The following COL7A1 variants were observed in gnomAD, a reference collection of about 807,000 sequenced individuals.
The protein encoded by COL7A1 is collagen type VII alpha 1 chain, also known as collagen alpha-1(VII) chain.
In COL7A1, 296 loss-of-function variants were observed where a neutral mutation model predicts 456.2. The observed-to-expected ratio is 0.65, with a 90% CI of 0.59 to 0.71. The LOEUF is 0.71. COL7A1 is among the 30% of genes least tolerant of loss of function. The pLI, the probability that COL7A1 is intolerant of heterozygous loss-of-function variation, is 0.00. For missense variants in COL7A1, 3,441 were observed against 4,017.2 expected, an observed-to-expected ratio of 0.86 and a Z score of 3.88; for synonymous variants, 1,464 against 1,525.9, an observed-to-expected ratio of 0.96 and a Z score of 0.95.
At position 48,586,516 on chromosome 3, in the gene COL7A1, G is replaced by C; in HGVS notation, c.3404-38C>G. The C allele has an allele frequency of 1.2e-6, 2 of 1,613,798 alleles. No homozygotes were observed. The highest frequency in any genetic ancestry group is 1.7e-6 in the Non-Finnish European group (2 of 1,180,040). On this transcript the variant is annotated intron_variant, in intron 26 of 118. Coordinates refer to ENST00000681320, the MANE Select transcript of COL7A1 (RefSeq NM_000094.4). This position sits in a 1 kb window ranked among gnomAD's most constrained non-coding sequence, Gnocchi z 5.1. ...ACATGTCAGAACCCTGGGGCACCAA[G>C]CTCCCAGTGGATAGCCCCAGGAGTC...
At position 48,593,148 on chromosome 3, in the gene COL7A1, G is replaced by A. The variant is rs915394336; in HGVS notation, c.636C>T (p.Ser212=). Residue 212 remains serine (S), a synonymous_variant, in exon 6 of 119, where the codon TCC becomes TCT. Coordinates refer to ENST00000681320, the MANE Select transcript of COL7A1 (RefSeq NM_000094.4). This position sits in a 1 kb window ranked among gnomAD's most constrained non-coding sequence, Gnocchi z 4.4. ...CACCAGCAGTCGTGCACACTCTCCG[G>A]GAAACGAGGGGCAGTAGTGTCCTCA... ...SILRTLLPLV[S]RRVCTTAGGV... 3 of 1,614,022 alleles carry A rather than the reference G, an allele frequency of 1.9e-6. No individual in the cohort carries two copies. The highest frequency in any genetic ancestry group is 1.7e-5 in the Admixed American group (1 of 60,004).
chr3:48,576,405 C>A lies in COL7A1; in HGVS notation c.5767G>T (p.Glu1923Ter). 1 of 1,613,788 alleles carries A rather than the reference C, an allele frequency of 6.2e-7. No homozygotes were observed. The highest frequency in any genetic ancestry group is 1.1e-5 in the South Asian group (1 of 91,078). Residue 1923 changes from glutamate (E) to a stop codon, truncating the protein, a stop_gained, in exon 70 of 119, where the codon GAG (glutamate) becomes TAG (stop). Coordinates refer to ENST00000681320, the MANE Select transcript of COL7A1 (RefSeq NM_000094.4). LOFTEE classifies it high-confidence loss of function. Reference protein sequence around the residue: ...GDRGETGSKGEQGLPGERGLR... With the variant: ...GDRGETGSKG Reference sequence around the variant, plus strand: ...GGAAAAGGTGGGGGCCTCACCTGCTCCCCTTTGGATCCAGTCTCCCCACGG... The same window carrying A: ...GGAAAAGGTGGGGGCCTCACCTGCTACCCTTTGGATCCAGTCTCCCCACGG...
At position 48,586,405 on chromosome 3, in the gene COL7A1, C is replaced by T. The variant is rs757858567; in HGVS notation, c.3477G>A (p.Gly1159=). ...DAPGRRQHVP[G]VMVLLVDEPL... is the part of the protein sequence containing the mutation. ...GTTCATCCACTAGCAGAACCATCAC[C>T]CCTGGTACGTGCTGGCGGCGCCCAG... The change falls in exon 27 of 119, where the codon GGG becomes GGA. Residue 1159 remains glycine, a synonymous_variant. Coordinates refer to ENST00000681320, the MANE Select transcript of COL7A1 (RefSeq NM_000094.4). The surrounding 1 kb of genome is among the most constrained non-coding windows in gnomAD (Gnocchi z 5.1). The T allele has an allele frequency of 6.2e-7, 1 of 1,613,934 alleles. No homozygotes were observed. Among genetic ancestry groups the T allele is most frequent in the Non-Finnish European group, 8.5e-7 (1 of 1,180,026 alleles).
At position 48,593,628 on chromosome 3, in the gene COL7A1, T is replaced by C; in HGVS notation, c.335A>G (p.Tyr112Cys). 1.2e-6 allele frequency: 2 copies of C among 1,614,184 alleles called. No individual in the cohort carries two copies. The highest frequency in any genetic ancestry group is 4.5e-5 in the East Asian group (2 of 44,882). The change falls in exon 4 of 119, where the codon TAC becomes TGC. Residue 112 changes from tyrosine to cysteine, a missense_variant. By Grantham distance (194) the Tyr-to-Cys change is radical. Around this residue, in one of 3 missense-constraint regions of COL7A1, gnomAD observed 913 missense variants for 1,088.2 expected, o/e 0.84. Coordinates refer to ENST00000681320, the MANE Select transcript of COL7A1 (RefSeq NM_000094.4). The surrounding 1 kb of genome is among the most constrained non-coding windows in gnomAD (Gnocchi z 4.4). ...DVIRAIRELS[Y>C]KGGNTRTGAA... ...CCCTGTGCGAGTGTTGCCCCCCTTG[T>C]AGCTAAGCTCACGGATGGCGCGGAT...
chr3:48,574,847 C>A lies in COL7A1; in HGVS notation c.6298G>T (p.Gly2100Cys). The A allele has an allele frequency of 2.5e-6, 4 of 1,613,890 alleles. No individual in the cohort carries two copies. The highest frequency in any genetic ancestry group is 3.4e-6 in the Non-Finnish European group (4 of 1,179,998). The change falls in exon 77 of 119, where the codon GGT (glycine) becomes TGT (cysteine). Residue 2100 changes from glycine (G) to cysteine (C), a missense_variant. Transcript: ENST00000681320. The surrounding 1 kb of genome is among the most constrained non-coding windows in gnomAD (Gnocchi z 5.0). The stretch of plus-strand genomic sequence containing the variant: ...CCCTGTTCTCCAGAGAGTCCAGGAC[C>A]TGGCTCATCCACAGACACCTACAAA... ...PGPKVSVDEP[G>C]PGLSGEQGPP...
At position 48,585,521 on chromosome 3, in the gene COL7A1, G is replaced by A. The variant is rs1180420991; in HGVS notation, c.3894+36C>T. ...AAAAACCCCGAGACAGCTTTGAGGA[G>A]TGCCTCAGAGAAACCTCGATGGTCT... On this transcript the variant is annotated intron_variant, in intron 32 of 118. Coordinates refer to ENST00000681320, the MANE Select transcript of COL7A1 (RefSeq NM_000094.4). This position sits in a 1 kb window ranked among gnomAD's most constrained non-coding sequence, Gnocchi z 4.5. The A allele has an allele frequency of 1.2e-6, 2 of 1,602,520 alleles. No individual in the cohort carries two copies. The highest frequency in any genetic ancestry group is 1.7e-6 in the Non-Finnish European group (2 of 1,170,260).
In COL7A1 at chr3:48,564,448, C is replaced by A; in HGVS notation, c.8819-26G>T. 1 of 1,613,700 alleles carries A rather than the reference C, an allele frequency of 6.2e-7. No individual in the cohort carries two copies. The highest frequency in any genetic ancestry group is 1.1e-5 in the South Asian group (1 of 90,974). ...CTGGTGAGGACAGGTTGGAAACGGTCGTCAGCCATCTGACCTTCCCCGGAG... is the reference window on the plus strand; with the variant it reads ...CTGGTGAGGACAGGTTGGAAACGGTAGTCAGCCATCTGACCTTCCCCGGAG... On this transcript the variant is annotated intron_variant, in intron 118 of 118. Transcript: ENST00000681320. This position sits in a 1 kb window ranked among gnomAD's most constrained non-coding sequence, Gnocchi z 6.0.
chr3:48,581,728 G>C lies in COL7A1; in HGVS notation c.4700C>G (p.Ala1567Gly). 1 of 1,614,072 alleles carries C rather than the reference G, an allele frequency of 6.2e-7. No individual in the cohort carries two copies. The highest frequency in any genetic ancestry group is 1.1e-5 in the South Asian group (1 of 91,086). Residue 1567 changes from alanine (A) to glycine (G), a missense_variant, in exon 49 of 119, where the codon GCT becomes GGT. Physicochemically the swap from Ala to Gly is moderately conservative, Grantham distance 60 (BLOSUM62 0). Transcript: ENST00000681320. This position sits in a 1 kb window ranked among gnomAD's most constrained non-coding sequence, Gnocchi z 5.8. Reference sequence around the variant, plus strand: ...TACCCGTTCCCCTTGGACTCCGGTAGCTCCTCTGGGCCCAGCGGGCCCCAC... The same window carrying C: ...TACCCGTTCCCCTTGGACTCCGGTACCTCCTCTGGGCCCAGCGGGCCCCAC... ...GDVGPAGPRGATGVQGERGPP... is the reference protein window; with the variant it reads ...GDVGPAGPRGGTGVQGERGPP...
Position 48,568,921 on chromosome 3 carries a change from G to GAGCCCGCC in COL7A1, c.7687-74_7687-67dup. 2 of 1,467,212 alleles carry GAGCCCGCC rather than the reference G, an allele frequency of 1.4e-6. No individual in the cohort carries two copies. Among genetic ancestry groups the GAGCCCGCC allele is most frequent in the East Asian group, 4.9e-5 (2 of 40,588 alleles). 90.9% of individuals were successfully genotyped at this position (1,467,212 alleles called of 1,614,324 possible). A position where few individuals can be genotyped will look rare whatever the true frequency, so the allele number is the denominator to read the frequency against. Reference sequence around the variant, plus strand: ...TCAGGCTGGGGGCTTAGAATACAACGAGCCCGCCAGCTGGGGCAGAGCTCA... The same window carrying GAGCCCGCC: ...TCAGGCTGGGGGCTTAGAATACAACGAGCCCGCCAGCCCGCCAGCTGGGGCAGAGCTCA... On this transcript the variant is annotated intron_variant, in intron 103 of 118. Transcript: ENST00000681320. This position sits in a 1 kb window ranked among gnomAD's most constrained non-coding sequence, Gnocchi z 5.2.
In COL7A1 at chr3:48,587,223, G is replaced by A. The variant is rs200199871; in HGVS notation, c.3106C>T (p.Arg1036Trp). 29 of 1,613,400 alleles carry A rather than the reference G, an allele frequency of 1.8e-5. No homozygotes were observed. The highest frequency in any genetic ancestry group is 1.3e-4 in the East Asian group (6 of 44,858). The change falls in exon 24 of 119, where the codon CGG (arginine) becomes TGG (tryptophan). Residue 1036 changes from arginine (R) to tryptophan (W), a missense_variant. By Grantham distance (101) the Arg-to-Trp change is moderately radical. Around this residue, in one of 3 missense-constraint regions of COL7A1, gnomAD observed 444 missense variants for 427.6 expected, o/e 1.04. Transcript: ENST00000681320. This position sits in a 1 kb window ranked among gnomAD's most constrained non-coding sequence, Gnocchi z 6.1. ...FSLTPVLDGV[R>W]GPEASVTQTP... ...TGTGTGACAGATGCCTCAGGACCCCGCACACCATCCAGGACAGGCGTCAGG... is the reference window on the plus strand; with the variant it reads ...TGTGTGACAGATGCCTCAGGACCCCACACACCATCCAGGACAGGCGTCAGG...
rs1160109522 is a variant in COL7A1, at chr3:48,572,926, G to A, written c.6767C>T (p.Pro2256Leu). The change falls in exon 87 of 119, where the codon CCG (proline) becomes CTG (leucine). Residue 2256 changes from proline (P) to leucine (L), a missense_variant. Physicochemically the swap from Pro to Leu is moderately conservative, Grantham distance 98. Around this residue, in one of 3 missense-constraint regions of COL7A1, gnomAD observed 2,084 missense variants for 2,501.3 expected, o/e 0.83. Coordinates refer to ENST00000681320, the MANE Select transcript of COL7A1 (RefSeq NM_000094.4). This position sits in a 1 kb window ranked among gnomAD's most constrained non-coding sequence, Gnocchi z 4.6. ...GGCACCATCTCGACCTGGGGCTCCC[G>A]GCTTCCCTGTCTCCCCCTGAGAGGG... ...LPGQVGETGK[P>L]GAPGRDGASG... 45 of 1,613,768 alleles carry A rather than the reference G, an allele frequency of 2.8e-5. No homozygotes were observed. Among genetic ancestry groups the A allele is most frequent in the Non-Finnish European group, 3.3e-5 (39 of 1,179,994 alleles).
intron 44 of COL7A1, 113 bp downstream of exon 44, chr3:48,582,900 G>T: frequency 6.8e-7 from 1 of 1,481,272 alleles, no homozygotes; most frequent in Non-Finnish European, 9.4e-7. Context: ...AGGGATAAGT[G>T]GTCATTGAGG....
Position 48,566,810 on chromosome 3 carries a change from A to T in COL7A1, c.8227-73T>A. 4 of 1,595,692 alleles carry T rather than the reference A, an allele frequency of 2.5e-6. No individual in the cohort carries two copies. Among genetic ancestry groups the T allele is most frequent in the Non-Finnish European group, 3.4e-6 (4 of 1,165,316 alleles). ...CAGAGTCAGGCAGGTTGGGGGCCAC[A>T]GCTTCAGAGGTTGGGGCAGGCAGGC... is the stretch of plus-strand genomic sequence containing the variant. On this transcript the variant is annotated intron_variant, in intron 111 of 118. Transcript: ENST00000681320. This position sits in a 1 kb window ranked among gnomAD's most constrained non-coding sequence, Gnocchi z 5.9.
intron 16 of COL7A1, among the ~76,000 whole-genome samples, chr3:48,589,992 G>A (rs2045575371): frequency 6.6e-6 from 1 of 152,088 alleles, no homozygotes; most frequent in African/African-American, 2.4e-5. Flanking sequence ...GGCAAAGGCT[G>A]TGGGAGTCTT....
Position 48,590,138 on chromosome 3 carries a change from G to T in COL7A1, c.2050+75C>A, listed in dbSNP as rs1236235606. 6.5e-7 allele frequency: 1 copy of T among 1,540,330 alleles called. No individual in the cohort carries two copies. Among genetic ancestry groups the T allele is most frequent in the Non-Finnish European group, 8.9e-7 (1 of 1,129,148 alleles). On this transcript the variant is annotated intron_variant, in intron 16 of 118. Coordinates refer to ENST00000681320, the MANE Select transcript of COL7A1 (RefSeq NM_000094.4). This position sits in a 1 kb window ranked among gnomAD's most constrained non-coding sequence, Gnocchi z 4.6. ...GGCAGGAGTTCTGGGGAGAAGCAAG[G>T]GTCTGCAAGGGAAGGCATGGGGGTC...
In COL7A1 at chr3:48,568,126, T is replaced by A; in HGVS notation, c.7839A>T (p.Lys2613Asn). The change falls in exon 106 of 119, where the codon AAA becomes AAT. Residue 2613 changes from lysine to asparagine, a missense_variant. Lys to Asn is a moderately conservative substitution (Grantham distance 94). Coordinates refer to ENST00000681320, the MANE Select transcript of COL7A1 (RefSeq NM_000094.4). The surrounding 1 kb of genome is among the most constrained non-coding windows in gnomAD (Gnocchi z 5.2). ...KDGVPGIRGE[K>N]GDVGFMGPRG... ...GGGGACCCATGAAGCCAACATCTCC[T>A]TTTTCTCCTCGGATACCAGGCACTC... 1 of 1,614,084 alleles carries A rather than the reference T, an allele frequency of 6.2e-7. No individual in the cohort carries two copies. The highest frequency in any genetic ancestry group is 8.5e-7 in the Non-Finnish European group (1 of 1,179,986).
chr3:48,581,894 C>G lies in COL7A1; in HGVS notation c.4668+17G>C. On this transcript the variant is annotated intron_variant, in intron 48 of 118. Coordinates refer to ENST00000681320, the MANE Select transcript of COL7A1 (RefSeq NM_000094.4). This position sits in a 1 kb window ranked among gnomAD's most constrained non-coding sequence, Gnocchi z 5.8. ...TCAACCCTGTAGAAACCTCCCCTTG[C>G]CCCATACCAGGCTTACCTTTTCTCC... The G allele has an allele frequency of 6.2e-7, 1 of 1,614,082 alleles. No homozygotes were observed. Among genetic ancestry groups the G allele is most frequent in the Non-Finnish European group, 8.5e-7 (1 of 1,180,022 alleles).
At position 48,565,999 on chromosome 3, in the gene COL7A1, G is replaced by A. The variant is rs1002225601; in HGVS notation, c.8407+268C>T. Among the ~76,000 whole-genome samples, 5 of 152,054 alleles carry A rather than the reference G, an allele frequency of 3.3e-5. No individual in the cohort carries two copies. The highest frequency in any genetic ancestry group is 9.7e-5 in the African/African-American group (4 of 41,382). ...CCACCGGGTCCAGGTCAGGCCCAAGGGGACCAGCTCTGCTCCCACCATCAT... is the reference window on the plus strand; with the variant it reads ...CCACCGGGTCCAGGTCAGGCCCAAGAGGACCAGCTCTGCTCCCACCATCAT... On this transcript the variant is annotated intron_variant, in intron 114 of 118. Transcript: ENST00000681320. This position sits in a 1 kb window ranked among gnomAD's most constrained non-coding sequence, Gnocchi z 4.5.
chr3:48,575,481 G>C lies in COL7A1; in HGVS notation c.6038C>G (p.Pro2013Arg), dbSNP rs1165283981. Residue 2013 changes from proline to arginine, a missense_variant, in exon 74 of 119, where the codon CCT (proline) becomes CGT (arginine). By Grantham distance (103) the Pro-to-Arg change is moderately radical. Transcript: ENST00000681320. The surrounding 1 kb of genome is among the most constrained non-coding windows in gnomAD (Gnocchi z 6.3). ...GLKGDRGDPGPQGPPGLALGE... is the reference protein window; with the variant it reads ...GLKGDRGDPGRQGPPGLALGE... ...AAGGGCCAGACCAGGTGGCCCCTGA[G>C]GGCCAGGGTCTCCACGGTCGCCCTT... The C allele has an allele frequency of 2.5e-6, 4 of 1,611,978 alleles. No individual in the cohort carries two copies. The highest frequency in any genetic ancestry group is 3.4e-6 in the Non-Finnish European group (4 of 1,179,688).
Sources: allele counts gnomAD v4.1 joint callset (sites outside exome capture counted in the v4.1 genomes callset), GRCh38; gene constraint gnomAD v4.1.1; regional missense constraint gnomAD v4.1.1; non-coding constraint Gnocchi (gnomAD v3.1); transcripts MANE v1.5; gene names NCBI Gene and HGNC (gene_info 2026-07-23, HGNC 2026-07-21).